MYO1E: variants seen among roughly 807,000 people sequenced by gnomAD.
MYO1E encodes the protein myosin IE, also known as unconventional myosin-Ie.
A neutral mutation model predicts 151.1 loss-of-function variants in MYO1E; 68 were observed. The ratio of observed to expected loss-of-function variants is 0.45; its 90% CI spans 0.37 to 0.55. MYO1E has a LOEUF of 0.55. Among genes scored for constraint, MYO1E ranks in the 20% least tolerant of loss-of-function variants. The pLI is 0.00. For synonymous variants in MYO1E, 601 were observed against 501.7 expected, an observed-to-expected ratio of 1.20 and a Z score of -2.64; for missense variants, 1,363 against 1,389.3, an observed-to-expected ratio of 0.98 and a Z score of 0.30.
intron 9 of MYO1E, chr15:59,218,373 C>T (rs544848118): frequency 1.8e-6 from 1 of 553,242 alleles, no homozygotes; most frequent in South Asian, 1.6e-5. Context: ...GCAAACCTAT[C>T]CCTCCTACTG....
At chr15:59,151,744 C>T (rs917043797) in intron 26 of MYO1E, among the ~76,000 whole-genome samples, 1 of 151,958 alleles carries the variant, frequency 6.6e-6, no homozygotes, top group Middle Eastern at 3.4e-3. Context: ...GAAACCCTGT[C>T]TCTACTAAAA....
intron 2 of MYO1E, among the ~76,000 whole-genome samples, chr15:59,263,456 G>T (rs1404564476): frequency 6.6e-6 from 1 of 152,174 alleles, no homozygotes; most frequent in Non-Finnish European, 1.5e-5. Context: ...CATGCCAGGT[G>T]CTGTTTTAGA....
At chr15:59,307,998 C>T (rs2080525238) in intron 1 of MYO1E, among the ~76,000 whole-genome samples, 1 of 150,070 alleles carries the variant, frequency 6.7e-6, no homozygotes, top group Non-Finnish European at 1.5e-5. Flanking sequence ...GAGCGGATCA[C>T]TTGAGGTCAG....
chr15:59,186,139 T>C (rs1004898829), intron 18 of MYO1E, among the ~76,000 whole-genome samples: 1 of 152,210 alleles, frequency 6.6e-6, no homozygotes, highest in Non-Finnish European at 1.5e-5. Context: ...CTGACGTCTT[T>C]AATTCAGAGA....
intron 1 of MYO1E, among the ~76,000 whole-genome samples, chr15:59,296,568 C>G (rs28454018): frequency 6.6e-6 from 1 of 152,032 alleles, no homozygotes; most frequent in Non-Finnish European, 1.5e-5. Context: ...GAAACACAGT[C>G]GGGACGTGCT....
chr15:59,339,843 A>C (rs1485769517), intron 1 of MYO1E, among the ~76,000 whole-genome samples: 1 of 127,932 alleles, frequency 7.8e-6, no homozygotes, highest in Non-Finnish European at 1.6e-5. Context: ...ATATATACAT[A>C]CTTTTTTTTG....
chr15:59,242,638 T>C (rs1367396268), intron 4 of MYO1E, among the ~76,000 whole-genome samples: 2 of 152,210 alleles, frequency 1.3e-5, no homozygotes, highest in Non-Finnish European at 1.5e-5. Context: ...GAGTCATTAA[T>C]GGATGCTAAG....
chr15:59,209,239 G>C (rs12440901), intron 13 of MYO1E, among the ~76,000 whole-genome samples: 59,575 of 152,078 alleles, frequency 0.39, 12,193 homozygotes, highest in East Asian at 0.63. Flanking sequence ...CATTTCGGTA[G>C]TTATTTAGTG....
At chr15:59,314,300 T>TG (rs771240961) in intron 1 of MYO1E, among the ~76,000 whole-genome samples, 3 of 152,192 alleles carry the variant, frequency 2.0e-5, no homozygotes, top group Non-Finnish European at 2.9e-5. Context: ...AGAATAAACT[T>TG]GAGAAAACAG....
intron 1 of MYO1E, among the ~76,000 whole-genome samples, chr15:59,355,093 T>C (rs530922975): frequency 6.6e-6 from 1 of 152,338 alleles, no homozygotes; most frequent in African/African-American, 2.4e-5. Context: ...TTCAGTCCTC[T>C]GGGCACTTTT....
chr15:59,159,069 C>G lies in MYO1E; in HGVS notation c.2786-690G>C, dbSNP rs1259246830. Among the ~76,000 whole-genome samples, 1 of 152,150 alleles carries G rather than the reference C, an allele frequency of 6.6e-6. No homozygotes were observed. The highest frequency in any genetic ancestry group is 1.5e-5 in the Non-Finnish European group (1 of 68,028). On this transcript the variant is annotated intron_variant, in intron 24 of 27. Coordinates refer to ENST00000288235, the MANE Select transcript of MYO1E (RefSeq NM_004998.4). This position sits in a 1 kb window ranked among gnomAD's most constrained non-coding sequence, Gnocchi z 4.4. Reference sequence around the variant, plus strand: ...GAACAGGAAGGAAGGTAGGATTAAACCAGCTGGAAGAGGGGTGCAGAGGGA... The same window carrying G: ...GAACAGGAAGGAAGGTAGGATTAAAGCAGCTGGAAGAGGGGTGCAGAGGGA...
At chr15:59,347,388 G>GT (rs1294789404) in intron 1 of MYO1E, among the ~76,000 whole-genome samples, 1 of 152,130 alleles carries the variant, frequency 6.6e-6, no homozygotes, top group Non-Finnish European at 1.5e-5. Context: ...CCGGTCCCTG[G>GT]TGCCAAAAAG....
At chr15:59,358,964 G>A (rs1348950065) in intron 1 of MYO1E, among the ~76,000 whole-genome samples, 2 of 152,178 alleles carry the variant, frequency 1.3e-5, no homozygotes, top group Non-Finnish European at 2.9e-5. Flanking sequence ...GACCTTAAAG[G>A]GTCACTTGGG....
chr15:59,151,049 A>AGTG (rs1566964868), intron 26 of MYO1E, among the ~76,000 whole-genome samples: 2 of 129,648 alleles, frequency 1.5e-5, no homozygotes, highest in Admixed American at 7.4e-5. Flanking sequence ...ACACACACAC[A>AGTG]CGCGCGCGCG....
intron 24 of MYO1E, among the ~76,000 whole-genome samples, chr15:59,160,377 GTGTA>G (rs1364719608): frequency 4.9e-4 from 69 of 142,044 alleles, no homozygotes; most frequent in South Asian, 2.4e-3. Flanking sequence ...GTGTGTGTGT[GTGTA>G]TGGTGTTTTA....
At chr15:59,349,513 C>A (rs901986398) in intron 1 of MYO1E, among the ~76,000 whole-genome samples, 3 of 151,788 alleles carry the variant, frequency 2.0e-5, no homozygotes, top group Non-Finnish European at 4.4e-5. Context: ...AATTACCCAG[C>A]GAGTTAGGGA....
At chr15:59,265,792 TAAAAAAAAAA>T (rs59957325) in intron 2 of MYO1E, among the ~76,000 whole-genome samples, 11 of 106,310 alleles carry the variant, frequency 1.0e-4, no homozygotes, top group Admixed American at 2.1e-4. Context: ...CCCATCTCCT[TAAAAAAAAAA>T]AAAAAAAAAA....
intron 1 of MYO1E, among the ~76,000 whole-genome samples, chr15:59,335,492 G>A (rs570507096): frequency 5.3e-5 from 8 of 151,926 alleles, no homozygotes; most frequent in Admixed American, 2.0e-4. Flanking sequence ...AATCTGTGCC[G>A]AATATGAATA....
rs191968611 is a variant in MYO1E, at chr15:59,266,957, A to G, written c.147+5349T>C. On this transcript the variant is annotated intron_variant, in intron 2 of 27. Transcript: ENST00000288235. ...ATTACAGGCGTGAGCCACCGTGCCC[A>G]GCCTCAAATGTTTGTTTTTAATAGT... 1.7e-3 allele frequency: 249 copies of G among 150,264 alleles called. 2 individuals carry two copies. The highest frequency in any genetic ancestry group is 7.5e-3 in the East Asian group (38 of 5,096). The allele number at this position is 150,264 out of a possible 1,614,324, so 9.3% of individuals were successfully genotyped here.
Sources: allele counts gnomAD v4.1 joint callset (sites outside exome capture counted in the v4.1 genomes callset), GRCh38; gene constraint gnomAD v4.1.1; non-coding constraint Gnocchi (gnomAD v3.1); transcripts MANE v1.5; gene names NCBI Gene and HGNC (gene_info 2026-07-23, HGNC 2026-07-21).